Variants in EPHA3 observed in about 807,000 individuals in gnomAD.
The protein encoded by EPHA3 is EPH receptor A3, also known as ephrin type-A receptor 3.
In EPHA3, 42 loss-of-function variants were observed where a neutral mutation model predicts 107.1. The observed-to-expected ratio is 0.39, with a 90% CI of 0.31 to 0.51. EPHA3 has a LOEUF of 0.51. EPHA3 is among the 20% of genes least tolerant of loss of function. The probability of loss-of-function intolerance (pLI) is 0.78; values close to 1 mark genes in which losing one functional copy is unlikely to be tolerated. For synonymous variants in EPHA3, 461 were observed against 424.8 expected, an observed-to-expected ratio of 1.09 and a Z score of -1.05; for missense variants, 1,183 against 1,211.2, an observed-to-expected ratio of 0.98 and a Z score of 0.35.
Position 89,481,949 on chromosome 3 carries a change from C to A in EPHA3, c.*2447C>A. The A allele has an allele frequency of 4.4e-6, 1 of 226,340 alleles. No homozygotes were observed. Among genetic ancestry groups the A allele is most frequent in the East Asian group, 6.4e-5 (1 of 15,672 alleles). The allele number at this position is 226,340 out of a possible 1,614,324, so 14.0% of individuals were successfully genotyped here. A position where few individuals can be genotyped will look rare whatever the true frequency, so the allele number is the denominator to read the frequency against. ...ACTCAGTTTATGCTGTGCTAAATAT[C>A]AATCAAGCCATGTATAAATGTGATA... On this transcript the variant is annotated 3_prime_UTR_variant, in exon 17 of 17. Transcript: ENST00000336596.
At chr3:89,139,779 G>A (rs1196881900) in intron 2 of EPHA3, among the ~76,000 whole-genome samples, 2 of 151,694 alleles carry the variant, frequency 1.3e-5, no homozygotes, top group East Asian at 1.9e-4. Flanking sequence ...TCTGGGTTCG[G>A]TGCTCTTTTC....
rs772793991 is a variant in EPHA3, at chr3:89,340,903, A to G, written c.815-13A>G. 6.3e-7 allele frequency: 1 copy of G among 1,589,532 alleles called. No individual in the cohort carries two copies. The highest frequency in any genetic ancestry group is 1.2e-5 in the South Asian group (1 of 86,626). On this transcript the variant is annotated splice_polypyrimidine_tract_variant and intron_variant, in intron 3 of 16. Coordinates refer to ENST00000336596, the MANE Select transcript of EPHA3 (RefSeq NM_005233.6). ...TATCACAGACTTTTAAAAGAGAGTC[A>G]TTTTGTTTGTAGCTTGTCGACCAGG... is the stretch of plus-strand genomic sequence containing the variant.
chr3:89,415,617 T>C (rs1387945890), intron 10 of EPHA3, among the ~76,000 whole-genome samples: 1 of 150,770 alleles, frequency 6.6e-6, no homozygotes, highest in East Asian at 1.9e-4. Flanking sequence ...AATTAAGACA[T>C]ATGAATTAGC....
In EPHA3 at chr3:89,160,546, TTTTGTGTGTGTG is replaced by T. The variant is rs1268566638; in HGVS notation, c.153+33275_153+33286del. The stretch of plus-strand genomic sequence containing the variant: ...CAAGTCAGAGAAAAGTAATATTAGA[TTTTGTGTGTGTG>T]TGTGTGTGTGTGTGTGTGTGTGTGT... On this transcript the variant is annotated intron_variant, in intron 2 of 16. Transcript: ENST00000336596. 9.5e-4 allele frequency among the ~76,000 whole-genome samples: 86 copies of T among 90,898 alleles called. 1 individual carries two copies. Among genetic ancestry groups the T allele is most frequent in the African/African-American group, 2.1e-3 (57 of 26,552 alleles). The allele number at this position is 90,898 out of a possible 152,430, so 59.6% of individuals were successfully genotyped here. A position where few individuals can be genotyped will look rare whatever the true frequency, so the allele number is the denominator to read the frequency against.
chr3:89,305,834 T>C (rs1392649720), intron 3 of EPHA3, among the ~76,000 whole-genome samples: 1 of 152,202 alleles, frequency 6.6e-6, no homozygotes. Flanking sequence ...ATCAACTTCC[T>C]TGAATGTTTT....
chr3:89,280,707 C>T (rs763888087), intron 3 of EPHA3, among the ~76,000 whole-genome samples: 103 of 152,000 alleles, frequency 6.8e-4, no homozygotes, highest in Non-Finnish European at 1.2e-3. Flanking sequence ...AAGGATGTAC[C>T]ACCTAGGAAT....
At chr3:89,437,855 A>G (rs1709704663) in intron 13 of EPHA3, among the ~76,000 whole-genome samples, 1 of 152,136 alleles carries the variant, frequency 6.6e-6, no homozygotes, top group Non-Finnish European at 1.5e-5. Flanking sequence ...CATAATTACC[A>G]CATAAACTGA....
intron 5 of EPHA3, among the ~76,000 whole-genome samples, chr3:89,365,954 G>A (rs1332105530): frequency 6.6e-6 from 1 of 150,670 alleles, no homozygotes; most frequent in African/African-American, 2.4e-5. Flanking sequence ...AATGCTTCTT[G>A]ATTTTTGTGT....
Position 89,252,243 on chromosome 3 carries a change from G to A in EPHA3, c.814+41723G>A, listed in dbSNP as rs184151180. On this transcript the variant is annotated intron_variant, in intron 3 of 16. Coordinates refer to ENST00000336596, the MANE Select transcript of EPHA3 (RefSeq NM_005233.6). ...TAATTAATGTTTCATTGAATTCTTT[G>A]AGAAATGTTGAATTCCACGACTGGT... Among the ~76,000 whole-genome samples, 8 of 152,144 alleles carry A rather than the reference G, an allele frequency of 5.3e-5. No homozygotes were observed. In the East Asian group the frequency reaches 1.5e-3, roughly 29 times the overall value.
intron 3 of EPHA3, among the ~76,000 whole-genome samples, chr3:89,253,219 T>C (rs1342991497): frequency 6.6e-6 from 1 of 152,146 alleles, no homozygotes; most frequent in Non-Finnish European, 1.5e-5. Flanking sequence ...CCTTTTTTCT[T>C]TTTCCAATGA....
At chr3:89,363,593 C>A (rs1708136885) in intron 5 of EPHA3, among the ~76,000 whole-genome samples, 1 of 150,672 alleles carries the variant, frequency 6.6e-6, no homozygotes. Flanking sequence ...CACAGTGACC[C>A]CAGACTGGTG....
At chr3:89,396,201 A>T (rs1213963941) in intron 6 of EPHA3, among the ~76,000 whole-genome samples, 1 of 152,254 alleles carries the variant, frequency 6.6e-6, no homozygotes, top group Admixed American at 6.5e-5. Context: ...TAATCCAGTT[A>T]CTTATGGCAA....
chr3:89,418,337 G>T (rs190838982), intron 10 of EPHA3, among the ~76,000 whole-genome samples: 1 of 151,454 alleles, frequency 6.6e-6, no homozygotes, highest in African/African-American at 2.4e-5. Context: ...AATCATCATG[G>T]CAGCATGGGT....
intron 2 of EPHA3, among the ~76,000 whole-genome samples, chr3:89,209,449 A>T (rs1706212236): frequency 6.6e-6 from 1 of 152,170 alleles, no homozygotes; most frequent in Non-Finnish European, 1.5e-5. Flanking sequence ...AAAACCTGGC[A>T]CAAATTGGGA....
chr3:89,144,438 C>A (rs1360746552), intron 2 of EPHA3, among the ~76,000 whole-genome samples: 4 of 151,670 alleles, frequency 2.6e-5, no homozygotes. Flanking sequence ...ACAAAAGAAG[C>A]CTCTGTCCTT....
chr3:89,140,911 A>T (rs868145200), intron 2 of EPHA3, among the ~76,000 whole-genome samples: 1 of 151,818 alleles, frequency 6.6e-6, no homozygotes, highest in Middle Eastern at 3.4e-3. Context: ...ACAATACAAT[A>T]GCTAATATTT....
intron 9 of EPHA3, among the ~76,000 whole-genome samples, chr3:89,412,674 A>G (rs558952095): frequency 6.6e-6 from 1 of 151,856 alleles, no homozygotes. Context: ...TAATTTATCT[A>G]TAATTGCAGC....
chr3:89,406,404 A>G (rs1305709417), intron 7 of EPHA3, among the ~76,000 whole-genome samples: 1 of 152,142 alleles, frequency 6.6e-6, no homozygotes, highest in African/African-American at 2.4e-5. Context: ...AAGAGTCAGT[A>G]AACTTTTTTC....
At chr3:89,277,280 A>C (rs1705829198) in intron 3 of EPHA3, among the ~76,000 whole-genome samples, 1 of 152,172 alleles carries the variant, frequency 6.6e-6, no homozygotes. Context: ...ATATACGTTT[A>C]AAGAAGTAAT....
Sources: allele counts gnomAD v4.1 joint callset (sites outside exome capture counted in the v4.1 genomes callset), GRCh38; gene constraint gnomAD v4.1.1; transcripts MANE v1.5; gene names NCBI Gene and HGNC (gene_info 2026-07-23, HGNC 2026-07-21).